The following SLC16A2 variants were observed in gnomAD, a reference collection of about 807,000 sequenced individuals.
The protein encoded by SLC16A2 is monocarboxylate transporter 8.
Under a neutral mutation model 27.2 loss-of-function variants are expected in SLC16A2, and 3 were observed. The ratio of observed to expected loss-of-function variants is 0.11; its 90% CI spans 0.05 to 0.28. The LOEUF (loss-of-function observed/expected upper bound fraction) is 0.28. SLC16A2 is among the 10% of genes least tolerant of loss of function. The pLI is 1.00. For synonymous variants in SLC16A2, 202 were observed against 187.8 expected (o/e 1.08, Z -0.62); for missense variants, 295 against 458.5 (o/e 0.64, Z 3.26).
intron 1 of SLC16A2, among the ~76,000 whole-genome samples, chrX:74,434,816 GT>G (rs1210272092): frequency 0.012 from 1,087 of 89,186 alleles, 16 homozygotes; most frequent in African/African-American, 0.042. Context: ...ATCTTAGTTT[GT>G]TTTTTTTTTT....
chrX:74,463,496 A>T (rs972218346), intron 1 of SLC16A2, among the ~76,000 whole-genome samples: 5 of 111,951 alleles, frequency 4.5e-5, no homozygotes, highest in African/African-American at 1.6e-4. Context: ...CTGATGTACA[A>T]TAAACTGCAC....
intron 1 of SLC16A2, among the ~76,000 whole-genome samples, chrX:74,472,674 T>A (rs1216496948): frequency 9.0e-6 from 1 of 110,715 alleles, no homozygotes; most frequent in African/African-American, 3.3e-5. Flanking sequence ...TTTCTTCTTT[T>A]TTTTTAAAAA....
intron 1 of SLC16A2, chrX:74,473,702 C>A: frequency 9.6e-7 from 1 of 1,042,390 alleles, no homozygotes. Context: ...TTCCACAACT[C>A]TTCCATCCAC....
Position 74,531,809 on chromosome X carries a change from T to C in SLC16A2, c.*256T>C. ...AAAGCTTGGGAACCACCCCTGGCCT[T>C]TGGAACCTCTCCATATACTTTCTAA... On this transcript the variant is annotated 3_prime_UTR_variant, in exon 6 of 6. Coordinates refer to ENST00000587091, the MANE Select transcript of SLC16A2 (RefSeq NM_006517.5). The C allele has an allele frequency of 2.4e-6, 1 of 425,383 alleles. No individual in the cohort carries two copies. Among genetic ancestry groups the C allele is most frequent in the Admixed American group, 3.8e-5 (1 of 26,038 alleles). The allele number at this position is 425,383 out of a possible 1,213,427, so 35.1% of individuals were successfully genotyped here. A position where few individuals can be genotyped will look rare whatever the true frequency, so the allele number is the denominator to read the frequency against.
chrX:74,450,497 A>G (rs1928918179), intron 1 of SLC16A2, among the ~76,000 whole-genome samples: 1 of 111,249 alleles, frequency 9.0e-6, no homozygotes, highest in Non-Finnish European at 1.9e-5. Flanking sequence ...GTACTCTTGT[A>G]CCAAATACCA....
rs190617116 is a variant in SLC16A2, at chrX:74,448,866, A to G, written c.430+26799A>G. Among the ~76,000 whole-genome samples the G allele has an allele frequency of 2.1e-3, 236 of 111,245 alleles. 4 individuals are homozygous for G. The highest frequency in any genetic ancestry group is 0.019 in the Admixed American group (200 of 10,408). On this transcript the variant is annotated intron_variant, in intron 1 of 5. Transcript: ENST00000587091. The stretch of plus-strand genomic sequence containing the variant: ...GACAGCAGCCTTACGTGCAGCGATA[A>G]TGACATGCTTTGAAAAATGCCTCAA...
chrX:74,478,427 C>G (rs1488986014), intron 1 of SLC16A2, among the ~76,000 whole-genome samples: 2 of 111,701 alleles, frequency 1.8e-5, no homozygotes, highest in African/African-American at 6.5e-5. Context: ...ACTGATGACT[C>G]TTTATCCAAT....
intron 1 of SLC16A2, among the ~76,000 whole-genome samples, chrX:74,496,264 ACACACACACACG>A (rs56349567): frequency 0.5 from 52,840 of 105,232 alleles, 12,143 homozygotes; most frequent in Non-Finnish European, 0.71. Context: ...ACACACACAC[ACACACACACACG>A]CACACACACA....
intron 1 of SLC16A2, among the ~76,000 whole-genome samples, chrX:74,461,981 T>C (rs1415558365): frequency 9.0e-6 from 1 of 111,106 alleles, no homozygotes; most frequent in Non-Finnish European, 1.9e-5. Flanking sequence ...TTCATTGGAG[T>C]GTCTCCTCCT....
chrX:74,429,530 T>C (rs1264961227), intron 1 of SLC16A2, among the ~76,000 whole-genome samples: 1 of 110,591 alleles, frequency 9.0e-6, no homozygotes, highest in Non-Finnish European at 1.9e-5. Flanking sequence ...GCTCCCAGTT[T>C]AGTTGCTCTT....
At chrX:74,508,534 CTT>C (rs1254178053) in intron 1 of SLC16A2, among the ~76,000 whole-genome samples, 1 of 111,906 alleles carries the variant, frequency 8.9e-6, no homozygotes, top group African/African-American at 3.2e-5. Context: ...TGTATATTGA[CTT>C]TGTATATTCT....
intron 1 of SLC16A2, among the ~76,000 whole-genome samples, chrX:74,455,320 T>C (rs1310662355): frequency 1.8e-5 from 2 of 110,956 alleles, no homozygotes; most frequent in Non-Finnish European, 1.9e-5. Context: ...CCCTGTTTTA[T>C]GGATGAGTAA....
chrX:74,427,953 T>C (rs1412749071), intron 1 of SLC16A2, among the ~76,000 whole-genome samples: 2 of 111,218 alleles, frequency 1.8e-5, no homozygotes, highest in Admixed American at 9.5e-5. Flanking sequence ...GATTATGCTG[T>C]ACTAGTGCAA....
Position 74,507,020 on chromosome X carries a change from T to C in SLC16A2, c.431-13970T>C, listed in dbSNP as rs773004961. Among the ~76,000 whole-genome samples the C allele has an allele frequency of 5.6e-5, 6 of 107,792 alleles. No homozygotes were observed. The South Asian group carries it at 2.5e-3, about 44-fold the overall frequency. 93.6% of individuals were successfully genotyped at this position (107,792 alleles called of 115,157 possible). On this transcript the variant is annotated intron_variant, in intron 1 of 5. Transcript: ENST00000587091. Reference sequence around the variant, plus strand: ...CAATCTCAGCTCACTGCAGCCTCGATCTCCTGCTCAAGCGATCCTCCTACC... The same window carrying C: ...CAATCTCAGCTCACTGCAGCCTCGACCTCCTGCTCAAGCGATCCTCCTACC...
chrX:74,459,571 C>T (rs977219384), intron 1 of SLC16A2, among the ~76,000 whole-genome samples: 1 of 110,137 alleles, frequency 9.1e-6, no homozygotes, highest in Non-Finnish European at 1.9e-5. Context: ...AGTCATCAAG[C>T]AGGTATACTT....
intron 1 of SLC16A2, among the ~76,000 whole-genome samples, chrX:74,462,902 C>G (rs930268982): frequency 6.2e-5 from 7 of 112,041 alleles, no homozygotes; most frequent in African/African-American, 2.3e-4. Context: ...AGGGATCTGG[C>G]CTGAGAAGCC....
intron 1 of SLC16A2, among the ~76,000 whole-genome samples, chrX:74,494,455 T>C (rs1929895870): frequency 9.0e-6 from 1 of 111,688 alleles, no homozygotes; most frequent in South Asian, 3.8e-4. Context: ...AGTGTCGTTA[T>C]AACACCTAAA....
intron 1 of SLC16A2, among the ~76,000 whole-genome samples, chrX:74,458,089 A>T (rs1929067779): frequency 8.9e-6 from 1 of 111,992 alleles, no homozygotes; most frequent in Non-Finnish European, 1.9e-5. Flanking sequence ...ACATTACATA[A>T]ACCTGCCCTC....
intron 1 of SLC16A2, among the ~76,000 whole-genome samples, chrX:74,472,347 G>A (rs184484166): frequency 1.1e-3 from 123 of 111,289 alleles, no homozygotes; most frequent in Middle Eastern, 4.7e-3. Context: ...ATGTAGGTAT[G>A]TACTTCATTT....
Sources: allele counts gnomAD v4.1 joint callset (sites outside exome capture counted in the v4.1 genomes callset), GRCh38; gene constraint gnomAD v4.1.1; transcripts MANE v1.5; gene names NCBI Gene and HGNC (gene_info 2026-07-23, HGNC 2026-07-21).